Variants in CSMD1 observed in about 807,000 individuals in gnomAD.
CSMD1 encodes CUB and Sushi multiple domains 1.
In CSMD1, 213 loss-of-function variants were observed where a neutral mutation model predicts 417.5. That is an observed-to-expected ratio of 0.51 (90% confidence interval 0.46 to 0.57). The LOEUF is 0.57. CSMD1 is among the 20% of genes least tolerant of loss of function. The pLI is 0.00. For missense variants in CSMD1, 6,923 were observed against 4,529.7 expected, an observed-to-expected ratio of 1.53 and a Z score of -15.17; for synonymous variants, 2,862 against 1,736.8, an observed-to-expected ratio of 1.65 and a Z score of -16.11.
chr8:3,417,160 G>C (rs527924041), intron 12 of CSMD1, among the ~76,000 whole-genome samples: 1 of 152,276 alleles, frequency 6.6e-6, no homozygotes, highest in East Asian at 1.9e-4. Flanking sequence ...TGCAGTCTTT[G>C]TTACCATGAA....
intron 10 of CSMD1, among the ~76,000 whole-genome samples, chr8:3,529,454 T>A (rs1471808803): frequency 6.6e-6 from 1 of 152,160 alleles, no homozygotes; most frequent in African/African-American, 2.4e-5. Context: ...TAAGACAGAA[T>A]CATAAATTTG....
intron 60 of CSMD1, 47 bp downstream of exon 60, chr8:2,963,173 CCT>C (rs1207700699): frequency 6.3e-7 from 1 of 1,594,382 alleles, no homozygotes. Flanking sequence ...GTTATCCGTC[CCT>C]GTTGCAGACC....
At chr8:4,701,604 G>A (rs1263110419) in intron 1 of CSMD1, among the ~76,000 whole-genome samples, 4 of 151,910 alleles carry the variant, frequency 2.6e-5, no homozygotes, top group Non-Finnish European at 5.9e-5. Flanking sequence ...AGACTCTCAG[G>A]TTCTGTTCCA....
intron 7 of CSMD1, among the ~76,000 whole-genome samples, chr8:3,655,170 A>G (rs10109027): frequency 6.6e-6 from 1 of 152,220 alleles, no homozygotes; most frequent in Non-Finnish European, 1.5e-5. Flanking sequence ...ACTTTGTTCC[A>G]CAGGGAACAC....
At position 4,619,473 on chromosome 8, in the gene CSMD1, A is replaced by G. The variant is rs117065143; in HGVS notation, c.302+17869T>C. Among the ~76,000 whole-genome samples, 1,374 of 152,280 alleles carry G rather than the reference A, an allele frequency of 9.0e-3. 5 individuals are homozygous for G. Among genetic ancestry groups the G allele is most frequent in the Admixed American group, 0.016 (238 of 15,276 alleles). ...TAGCTAGTGTAGTAGAAGTAGCAAGAAGAAAAGCCCATTGGACTAGGTAAC... is the reference window on the plus strand; with the variant it reads ...TAGCTAGTGTAGTAGAAGTAGCAAGGAGAAAAGCCCATTGGACTAGGTAAC... On this transcript the variant is annotated intron_variant, in intron 2 of 69. Coordinates refer to ENST00000635120, the MANE Select transcript of CSMD1 (RefSeq NM_033225.6).
intron 26 of CSMD1, among the ~76,000 whole-genome samples, chr8:3,251,754 T>C (rs1201901737): frequency 6.6e-6 from 1 of 152,216 alleles, no homozygotes; most frequent in Non-Finnish European, 1.5e-5. Flanking sequence ...CAGTGGATTG[T>C]AGTTCTCCTT....
At chr8:4,141,745 GAT>G (rs1803804895) in intron 3 of CSMD1, among the ~76,000 whole-genome samples, 2 of 150,678 alleles carry the variant, frequency 1.3e-5, no homozygotes, top group Non-Finnish European at 2.9e-5. Flanking sequence ...CGGATACAGT[GAT>G]TCATCCCATG....
chr8:4,467,122 T>TAAAAA (rs35481238), intron 2 of CSMD1, among the ~76,000 whole-genome samples: 1 of 86,238 alleles, frequency 1.2e-5, no homozygotes, highest in African/African-American at 4.5e-5. Flanking sequence ...TTCTTCAGAG[T>TAAAAA]AAAAAAAAAA....
At chr8:4,252,065 A>C (rs1803119148) in intron 3 of CSMD1, among the ~76,000 whole-genome samples, 1 of 152,220 alleles carries the variant, frequency 6.6e-6, no homozygotes, top group Non-Finnish European at 1.5e-5. Context: ...GATCATTCCC[A>C]GAAATTAAAC....
At chr8:3,543,634 A>G (rs7012762) in intron 10 of CSMD1, among the ~76,000 whole-genome samples, 51,884 of 148,534 alleles carry the variant, frequency 0.35, 9,213 homozygotes, top group East Asian at 0.43. Flanking sequence ...CAGCCTAAAT[A>G]ACTGAAAAAA....
rs796065633 is a variant in CSMD1 at position 3,974,748 on chromosome 8, A to G, written c.818+23155T>C. Among the ~76,000 whole-genome samples the G allele has an allele frequency of 3.2e-4, 49 of 152,210 alleles. 1 individual carries two copies. The highest frequency in any genetic ancestry group is 1.2e-3 in the African/African-American group (48 of 41,562). ...AGAACAGGCAAAACTAAATTTTGGT[A>G]TACTTACGGAATTCTTTACAGTTAT... On this transcript the variant is annotated intron_variant, in intron 5 of 69. Transcript: ENST00000635120.
chr8:3,696,720 G>A (rs2623592), intron 7 of CSMD1, among the ~76,000 whole-genome samples: 157 of 152,148 alleles, frequency 1.0e-3, no homozygotes, highest in Non-Finnish European at 1.3e-3. Context: ...CATTTTAATC[G>A]TTAAAGTATA....
At position 3,766,867 on chromosome 8, in the gene CSMD1, A is replaced by ATTTCT. The variant is rs1242293010; in HGVS notation, c.819-12830_819-12826dup. Among the ~76,000 whole-genome samples, 3 of 152,030 alleles carry ATTTCT rather than the reference A, an allele frequency of 2.0e-5. No homozygotes were observed. In the East Asian group the frequency reaches 5.8e-4, roughly 30 times the overall value. ...TCTACCATTTTCTTTTTTCTAGCAA[A>ATTTCT]TTTCTTATATCACTTGATAGACTGA... On this transcript the variant is annotated intron_variant, in intron 5 of 69. Coordinates refer to ENST00000635120, the MANE Select transcript of CSMD1 (RefSeq NM_033225.6).
intron 6 of CSMD1, among the ~76,000 whole-genome samples, chr8:3,746,255 C>T (rs190457624): frequency 4.0e-4 from 61 of 152,258 alleles, no homozygotes; most frequent in Middle Eastern, 3.4e-3. Context: ...CTATAAACTG[C>T]GGGAAAACAA....
chr8:4,475,274 T>C (rs1471652731), intron 2 of CSMD1, among the ~76,000 whole-genome samples: 2 of 152,166 alleles, frequency 1.3e-5, no homozygotes, highest in Admixed American at 1.3e-4. Flanking sequence ...CATTTCTATA[T>C]CCATAATAGT....
intron 3 of CSMD1, among the ~76,000 whole-genome samples, chr8:4,382,294 T>C (rs1403635150): frequency 2.0e-5 from 3 of 152,186 alleles, no homozygotes; most frequent in Admixed American, 6.5e-5. Flanking sequence ...GAGTTCTTTA[T>C]CCAGAAAAAA....
chr8:4,115,277 G>C (rs1267635899), intron 3 of CSMD1, among the ~76,000 whole-genome samples: 4 of 152,200 alleles, frequency 2.6e-5, no homozygotes, highest in South Asian at 2.1e-4. Context: ...TGAACGCTTA[G>C]ATAATTTTTA....
At chr8:3,440,469 A>G (rs1187511830) in intron 12 of CSMD1, among the ~76,000 whole-genome samples, 2 of 152,218 alleles carry the variant, frequency 1.3e-5, no homozygotes, top group Admixed American at 6.5e-5. Context: ...ATAGAAATAC[A>G]GTAGATTTTG....
At chr8:3,599,983 G>C (rs769963049) in intron 8 of CSMD1, among the ~76,000 whole-genome samples, 3 of 152,176 alleles carry the variant, frequency 2.0e-5, no homozygotes, top group Non-Finnish European at 4.4e-5. Flanking sequence ...GCAAGCTCCT[G>C]GCAGCATCAT....
Sources: allele counts gnomAD v4.1 joint callset (sites outside exome capture counted in the v4.1 genomes callset), GRCh38; gene constraint gnomAD v4.1.1; transcripts MANE v1.5; gene names NCBI Gene and HGNC (gene_info 2026-07-23, HGNC 2026-07-21).